Variants in FRMD6 observed in about 807,000 individuals in gnomAD.
The protein encoded by FRMD6 is FERM domain containing 6.
In FRMD6, 37 loss-of-function variants were observed where a neutral mutation model predicts 73.2. That is an observed-to-expected ratio of 0.51 (90% CI 0.39 to 0.66). The LOEUF (loss-of-function observed/expected upper bound fraction) is 0.66. FRMD6 is among the 30% of genes least tolerant of loss of function. The pLI, the probability that FRMD6 is intolerant of heterozygous loss-of-function variation, is 0.00. For synonymous variants in FRMD6, 273 were observed against 282.2 expected (o/e 0.97, Z 0.33); for missense variants, 714 against 780.5 (o/e 0.91, Z 1.02).
At chr14:51,481,788 T>G in the FRMD6 span, among the ~76,000 whole-genome samples, 7 of 152,206 alleles carry the variant, frequency 4.6e-5, no homozygotes, top group African/African-American at 1.7e-4. Flanking sequence ...TTGGAAAGCA[T>G]GAGAGTGCTT....
intron 2 of FRMD6, among the ~76,000 whole-genome samples, chr14:51,589,020 G>A (rs1172107442): frequency 6.6e-6 from 1 of 152,210 alleles, no homozygotes; most frequent in Admixed American, 6.5e-5. Flanking sequence ...GGAACATGCA[G>A]TTGACCTTCT....
At position 51,720,120 on chromosome 14, in the gene FRMD6, A is replaced by G; in HGVS notation, c.1090A>G (p.Lys364Glu). 1 of 1,613,834 alleles carries G rather than the reference A, an allele frequency of 6.2e-7. No homozygotes were observed. The highest frequency in any genetic ancestry group is 8.5e-7 in the Non-Finnish European group (1 of 1,180,028). ...NLDLDMDQLEKRSRASGSSAG... is the reference protein window; with the variant it reads ...NLDLDMDQLEERSRASGSSAG... ...GGACCTCGACATGGACCAGCTGGAA[A>G]AACGGTCGCGGGCCAGCGGGAGCAG... The change falls in exon 11 of 14, where the codon AAA becomes GAA. Residue 364 changes from lysine (K) to glutamate (E), a missense_variant. By Grantham distance (56) the Lys-to-Glu change is moderately conservative. Transcript: ENST00000344768.
chr14:51,491,518 C>T (rs984791811), intron 1 of FRMD6: 5 of 152,204 alleles, frequency 3.3e-5, no homozygotes, highest in South Asian at 2.1e-4. Context: ...ATTTGCTGAG[C>T]GCCAGCTATG....
At position 51,626,528 on chromosome 14, in the gene FRMD6, G is replaced by A. The variant is rs151337912; in HGVS notation, c.-147+56118G>A. On this transcript the variant is annotated intron_variant, in intron 2 of 14. Transcript: ENST00000356218. Reference sequence around the variant, plus strand: ...GGAATAAGAATACCTACTTTGCCACGTTATCAGGGTTAAAAATAATAAATG... The same window carrying A: ...GGAATAAGAATACCTACTTTGCCACATTATCAGGGTTAAAAATAATAAATG... Among the ~76,000 whole-genome samples the A allele has an allele frequency of 1.5e-4, 23 of 152,272 alleles. No individual in the cohort carries two copies. The East Asian group carries it at 2.9e-3, about 19-fold the overall frequency.
At chr14:51,590,664 G>A (rs959485988) in intron 2 of FRMD6, among the ~76,000 whole-genome samples, 1 of 152,178 alleles carries the variant, frequency 6.6e-6, no homozygotes, top group African/African-American at 2.4e-5. Context: ...AATTACAAAA[G>A]ACAGTGAGGT....
intron 1 of FRMD6, among the ~76,000 whole-genome samples, chr14:51,543,415 CA>C (rs1886301182): frequency 6.6e-6 from 1 of 151,802 alleles, no homozygotes; most frequent in African/African-American, 2.4e-5. Context: ...AAATAAAAAA[CA>C]AAACTGCTAA....
chr14:51,721,761 G>GGGAAGGAGGGAAGGAGGGAAGGAAGGAA (rs750853411), intron 11 of FRMD6, among the ~76,000 whole-genome samples, 188 bp from the exon 12 acceptor site: 1 of 137,236 alleles, frequency 7.3e-6, no homozygotes, highest in Non-Finnish European at 1.6e-5. Flanking sequence ...GAAGGAAGGA[G>GGGAAGGAGGGAAGGAGGGAAGGAAGGAA]GGAAGGAGGG....
intron 2 of FRMD6, among the ~76,000 whole-genome samples, chr14:51,600,596 A>G (rs1889983102): frequency 6.6e-6 from 1 of 152,250 alleles, no homozygotes; most frequent in South Asian, 2.1e-4. Flanking sequence ...AGTTACAGCT[A>G]AATAACAATT....
chr14:51,695,175 T>A (rs1479764716), intron 2 of FRMD6, among the ~76,000 whole-genome samples: 2 of 148,590 alleles, frequency 1.3e-5, no homozygotes, highest in Non-Finnish European at 2.9e-5. Context: ...CCAACGTTTT[T>A]AAATACAGTC....
chr14:51,694,194 A>G (rs1895792393), intron 2 of FRMD6, among the ~76,000 whole-genome samples: 1 of 152,220 alleles, frequency 6.6e-6, no homozygotes, highest in Admixed American at 6.5e-5. Context: ...ATCATCAGGC[A>G]AATATGGAAG....
At chr14:51,437,734 C>CG in the FRMD6 span, among the ~76,000 whole-genome samples, 5 of 152,144 alleles carry the variant, frequency 3.3e-5, no homozygotes, top group Non-Finnish European at 7.3e-5. Flanking sequence ...TGGTTCTCAA[C>CG]TTATTTTGGG....
In FRMD6 at chr14:51,523,665, C is replaced by T. The variant is rs951286418; in HGVS notation, c.-210+34245C>T. On this transcript the variant is annotated intron_variant, in intron 1 of 14. Transcript: ENST00000356218. The stretch of plus-strand genomic sequence containing the variant: ...GGATGGTGACAAATTCAGGGTCCTT[C>T]CCACATTGTTTGCTCTGGAACTCCC... 1.7e-4 allele frequency among the ~76,000 whole-genome samples: 26 copies of T among 152,102 alleles called. 1 individual carries two copies. The highest frequency in any genetic ancestry group is 6.3e-4 in the African/African-American group (26 of 41,414).
chr14:51,437,357 C>T, the FRMD6 span, among the ~76,000 whole-genome samples: 1 of 151,856 alleles, frequency 6.6e-6, no homozygotes, highest in Non-Finnish European at 1.5e-5. Context: ...AGCTGGAGTG[C>T]AGTGGCGCGA....
intron 1 of FRMD6, among the ~76,000 whole-genome samples, chr14:51,525,588 A>G (rs996531346): frequency 2.6e-5 from 4 of 152,098 alleles, no homozygotes; most frequent in African/African-American, 9.7e-5. Flanking sequence ...CAGCATTTTT[A>G]AAGACCCTTC....
rs561562349 is a variant in FRMD6 at position 51,698,861 on chromosome 14, T to C, written c.190+629T>C. Among the ~76,000 whole-genome samples, 10 of 152,214 alleles carry C rather than the reference T, an allele frequency of 6.6e-5. No homozygotes were observed. In the East Asian group the frequency reaches 1.9e-3, roughly 29 times the overall value. The stretch of plus-strand genomic sequence containing the variant: ...GTTAGAGTTAAATTTCTGGGACTTC[T>C]CTAAAGCCATTTATTATAAGCTTTC... On this transcript the variant is annotated intron_variant, in intron 3 of 13. Coordinates refer to ENST00000344768, the MANE Select transcript of FRMD6 (RefSeq NM_001267046.2).
At chr14:51,651,340 C>G (rs150281989), upstream of FRMD6, 1 of 152,088 alleles carries the variant, frequency 6.6e-6, no homozygotes, top group Non-Finnish European at 1.5e-5. Flanking sequence ...GCAGGATTCA[C>G]GAAGCCACCT....
At chr14:51,522,460 G>A (rs1443194764) in intron 1 of FRMD6, among the ~76,000 whole-genome samples, 3 of 152,066 alleles carry the variant, frequency 2.0e-5, no homozygotes, top group Admixed American at 6.6e-5. Flanking sequence ...TTGTTGTTTA[G>A]GTTTCTGTCT....
intron 1 of FRMD6, among the ~76,000 whole-genome samples, chr14:51,552,411 C>T (rs936200040): frequency 1.3e-5 from 2 of 152,212 alleles, no homozygotes; most frequent in Non-Finnish European, 2.9e-5. Context: ...ACAAGAGGGA[C>T]GAGTAGCCTT....
At chr14:51,421,588 T>C in the FRMD6 span, among the ~76,000 whole-genome samples, 1 of 152,182 alleles carries the variant, frequency 6.6e-6, no homozygotes. Flanking sequence ...AAGAATTGTA[T>C]AGCAAAAGAA....
Sources: allele counts gnomAD v4.1 joint callset (sites outside exome capture counted in the v4.1 genomes callset), GRCh38; gene constraint gnomAD v4.1.1; transcripts MANE v1.5; gene names NCBI Gene and HGNC (gene_info 2026-07-23, HGNC 2026-07-21).